DLG5: variants seen among roughly 807,000 people sequenced by gnomAD.
DLG5 encodes discs large MAGUK scaffold protein 5, also known as disks large homolog 5.
Under a neutral mutation model 189.8 loss-of-function variants are expected in DLG5, and 48 were observed. The ratio of observed to expected loss-of-function variants is 0.25; its 90% confidence interval spans 0.20 to 0.32. The LOEUF (loss-of-function observed/expected upper bound fraction) is 0.32. DLG5 is among the 10% of genes least tolerant of loss of function. DLG5 has a pLI of 1.00. For missense variants in DLG5, 2,160 were observed against 2,544.7 expected (o/e 0.85, Z 3.25); for synonymous variants, 1,016 against 1,054.1 (o/e 0.96, Z 0.70).
chr10:77,841,476 T>C (rs1843412458), intron 7 of DLG5, among the ~76,000 whole-genome samples: 1 of 152,238 alleles, frequency 6.6e-6, no homozygotes, highest in African/African-American at 2.4e-5. Flanking sequence ...CTGAGGGTGC[T>C]CTTCCAGACA....
intron 1 of DLG5, among the ~76,000 whole-genome samples, chr10:77,872,990 G>A (rs866301464): frequency 6.7e-6 from 1 of 148,928 alleles, no homozygotes; most frequent in South Asian, 2.2e-4. Flanking sequence ...AGGGCTAAGG[G>A]GGACTGTAGG....
At position 77,821,477 on chromosome 10, in the gene DLG5, G is replaced by T. The variant is rs749866135; in HGVS notation, c.3007C>A (p.Pro1003Thr). 20 of 1,612,814 alleles carry T rather than the reference G, an allele frequency of 1.2e-5. No individual in the cohort carries two copies. The Admixed American group carries it at 3.0e-4, about 24-fold the overall frequency. The part of the protein sequence containing the change: ...PGPGPAHSPQ[P>T]SKRAGPLTPP... ...GTCAGAGGCCCCGCCCTCTTGGAGG[G>T]CTGGGGAGAGTGAGCAGGCCCAGGA... Residue 1003 changes from proline (P) to threonine (T), a missense_variant, in exon 15 of 32, where the codon CCC (proline) becomes ACC (threonine). Physicochemically the swap from Pro to Thr is conservative, Grantham distance 38. Around this residue, in one of 5 missense-constraint regions of DLG5, gnomAD observed 754 missense variants for 746.5 expected, o/e 1.01. Coordinates refer to ENST00000372391, the MANE Select transcript of DLG5 (RefSeq NM_004747.4).
chr10:77,804,042 C>T lies in DLG5; in HGVS notation c.5164+1623G>A, dbSNP rs537044755. ...GGTAGCTGGAACTACAGGCATGAGC[C>T]ACCACACCAGGCTAATTTTTGTATT... is the stretch of plus-strand genomic sequence containing the variant. On this transcript the variant is annotated intron_variant, in intron 27 of 31. Transcript: ENST00000372391. 5.3e-5 allele frequency among the ~76,000 whole-genome samples: 8 copies of T among 152,140 alleles called. No homozygotes were observed. The East Asian group carries it at 1.5e-3, about 29-fold the overall frequency.
chr10:77,813,378 CTCA>C (rs1375694622), intron 20 of DLG5, among the ~76,000 whole-genome samples: 2 of 152,324 alleles, frequency 1.3e-5, no homozygotes, highest in African/African-American at 4.8e-5. Context: ...ACTTGGCAGT[CTCA>C]GCCTGTGGCC....
chr10:77,939,404 G>A, the DLG5 span, among the ~76,000 whole-genome samples: 2 of 152,124 alleles, frequency 1.3e-5, no homozygotes, highest in African/African-American at 4.8e-5. Context: ...AGAAGAGACG[G>A]GTGTAGCTTG....
the DLG5 span, among the ~76,000 whole-genome samples, chr10:77,934,230 G>A: frequency 6.6e-6 from 1 of 151,260 alleles, no homozygotes; most frequent in East Asian, 2.0e-4. Flanking sequence ...AATTATCCGA[G>A]TATGGTGGTG....
At chr10:77,883,691 C>CTTTTTTTTTT (rs36028891) in intron 1 of DLG5, among the ~76,000 whole-genome samples, 2 of 96,460 alleles carry the variant, frequency 2.1e-5, no homozygotes, top group African/African-American at 4.1e-5. Flanking sequence ...TAACATTGTT[C>CTTTTTTTTTT]TTTTTTTTTT....
At chr10:77,927,142 C>T (rs1846728136), upstream of DLG5, 1 of 156,876 alleles carries the variant, frequency 6.4e-6, no homozygotes. Flanking sequence ...GCCGTCCCTC[C>T]GGGAGGCGGC....
At chr10:77,915,925 T>C (rs1043313390) in intron 1 of DLG5, among the ~76,000 whole-genome samples, 8 of 152,136 alleles carry the variant, frequency 5.3e-5, no homozygotes. Flanking sequence ...GCCACTAGGA[T>C]TGTTTGGTTA....
chr10:77,935,046 A>T, the DLG5 span, among the ~76,000 whole-genome samples: 1 of 151,898 alleles, frequency 6.6e-6, no homozygotes, highest in Non-Finnish European at 1.5e-5. Context: ...TTTAGTAGAG[A>T]TAGGGCTTCA....
intron 1 of DLG5, among the ~76,000 whole-genome samples, chr10:77,918,411 CAA>C (rs547250164): frequency 1.5e-5 from 2 of 132,322 alleles, no homozygotes. Context: ...GACTCTGTAT[CAA>C]AAAAAAAAAA....
chr10:77,937,791 T>C, the DLG5 span, among the ~76,000 whole-genome samples: 82 of 148,574 alleles, frequency 5.5e-4, no homozygotes, highest in Admixed American at 5.0e-3. Context: ...TGATCTTGGC[T>C]CACTGCAACC....
chr10:77,844,069 G>A (rs573624591), intron 5 of DLG5, among the ~76,000 whole-genome samples: 118 of 152,138 alleles, frequency 7.8e-4, no homozygotes, highest in Non-Finnish European at 9.3e-4. Context: ...CTTTTCTTCT[G>A]GTGATATAAG....
At chr10:77,803,783 G>A (rs183238666) in intron 27 of DLG5, among the ~76,000 whole-genome samples, 9 of 152,032 alleles carry the variant, frequency 5.9e-5, no homozygotes, top group East Asian at 3.9e-4. Context: ...TGGCACCTAC[G>A]GAGAAAGGAG....
At chr10:77,810,741 CAT>C (rs1423002227) in intron 23 of DLG5, among the ~76,000 whole-genome samples, 1 of 152,200 alleles carries the variant, frequency 6.6e-6, no homozygotes, top group Non-Finnish European at 1.5e-5. Context: ...TCTGCCACCT[CAT>C]TGGGGGAAGC....
rs910700394 is a variant in DLG5, at chr10:77,926,242, C to T, written c.279G>A (p.Gly93=). 3.3e-6 allele frequency: 5 copies of T among 1,517,660 alleles called. No individual in the cohort carries two copies. The highest frequency in any genetic ancestry group is 1.4e-5 in the African/African-American group (1 of 70,662). 94.0% of individuals were successfully genotyped at this position (1,517,660 alleles called of 1,614,324 possible). ...CCGCGCCTTCGGCGGGCTGCGGCGG[C>T]CCGACGACGCCGTTCAGGTAGAGAA... is the stretch of plus-strand genomic sequence containing the variant. ...LPILYLNGVV[G]PPQPAEGAGS... is the part of the protein sequence containing the mutation. The change falls in exon 1 of 32, where the codon GGG becomes GGA. Residue 93 remains glycine, a synonymous_variant. Transcript: ENST00000372391. The surrounding 1 kb of genome is among the most constrained non-coding windows in gnomAD (Gnocchi z 5.2).
intron 1 of DLG5, among the ~76,000 whole-genome samples, chr10:77,879,896 G>A (rs1845223247): frequency 6.6e-6 from 1 of 151,986 alleles, no homozygotes; most frequent in Non-Finnish European, 1.5e-5. Flanking sequence ...GAGGTGTCAG[G>A]CAGGCAGATG....
At chr10:77,872,339 C>T (rs1267171503) in intron 1 of DLG5, among the ~76,000 whole-genome samples, 1 of 152,248 alleles carries the variant, frequency 6.6e-6, no homozygotes, top group Non-Finnish European at 1.5e-5. Flanking sequence ...TTCCCTCTCT[C>T]CGCCCACCTA....
intron 1 of DLG5, among the ~76,000 whole-genome samples, chr10:77,916,822 T>C (rs183440755): frequency 2.0e-4 from 30 of 151,054 alleles, no homozygotes; most frequent in African/African-American, 6.1e-4. Context: ...CATGGTGTCA[T>C]AGCAGCATTA....
Sources: gnomAD v4.1 joint callset for allele counts (sites outside exome capture counted in the v4.1 genomes callset) on GRCh38, gnomAD v4.1.1 for gene constraint, gnomAD v4.1.1 regional missense constraint, Gnocchi (gnomAD v3.1) non-coding constraint, MANE v1.5 for transcripts, NCBI Gene and HGNC (gene_info 2026-07-23, HGNC 2026-07-21) for gene names.